The following TBL1X variants were observed in gnomAD, a reference collection of about 807,000 sequenced individuals.
The protein encoded by TBL1X is transducin beta like 1 X-linked.
A neutral mutation model predicts 50.7 loss-of-function variants in TBL1X; 10 were observed. That is an observed-to-expected ratio of 0.20 (90% CI 0.12 to 0.33). The LOEUF is 0.33. TBL1X is among the 10% of genes least tolerant of loss of function. TBL1X has a pLI of 1.00. For synonymous variants in TBL1X, 190 were observed against 214.7 expected, an observed-to-expected ratio of 0.88 and a Z score of 1.01; for missense variants, 340 against 504.4, an observed-to-expected ratio of 0.67 and a Z score of 3.12.
At chrX:9,466,622 C>T (rs1197124585) in intron 1 of TBL1X, among the ~76,000 whole-genome samples, 1 of 112,432 alleles carries the variant, frequency 8.9e-6, no homozygotes, top group Non-Finnish European at 1.9e-5. Flanking sequence ...ATCGCCCAGT[C>T]CCTGGTTTAA....
At chrX:9,699,627 G>A (rs2083156904) in intron 12 of TBL1X, among the ~76,000 whole-genome samples, 1 of 111,676 alleles carries the variant, frequency 9.0e-6, no homozygotes, top group South Asian at 3.8e-4. Flanking sequence ...AGGGCTCCAG[G>A]CAGGGGACAT....
At chrX:9,683,546 C>T (rs1054462421) in intron 5 of TBL1X, among the ~76,000 whole-genome samples, 3 of 111,441 alleles carry the variant, frequency 2.7e-5, no homozygotes, top group African/African-American at 9.8e-5. Context: ...ACACTTGCCC[C>T]GCGTGCCAGG....
intron 2 of TBL1X, among the ~76,000 whole-genome samples, chrX:9,518,875 C>T (rs1484129787): frequency 2.3e-4 from 25 of 110,758 alleles, no homozygotes; most frequent in African/African-American, 6.9e-4. Flanking sequence ...TCCATGCTGA[C>T]GTGTAAGGCA....
chrX:9,595,568 C>G (rs919525038), intron 2 of TBL1X, among the ~76,000 whole-genome samples: 1 of 111,832 alleles, frequency 8.9e-6, no homozygotes, highest in African/African-American at 3.3e-5. Context: ...TGGTCAGGGC[C>G]CTTCTTGTCG....
chrX:9,518,074 G>A (rs1270649476), intron 2 of TBL1X, among the ~76,000 whole-genome samples: 1 of 102,502 alleles, frequency 9.8e-6, no homozygotes, highest in Non-Finnish European at 2.0e-5. Flanking sequence ...ACTCCAGCCT[G>A]GGCAACAGAG....
chrX:9,607,400 T>G (rs1473158108), intron 2 of TBL1X, among the ~76,000 whole-genome samples: 2 of 111,846 alleles, frequency 1.8e-5, no homozygotes, highest in Non-Finnish European at 3.8e-5. Flanking sequence ...GATGAGGCAG[T>G]GCTGGTGCTG....
intron 2 of TBL1X, among the ~76,000 whole-genome samples, chrX:9,545,000 CTTTTTTTTTTTT>C (rs34726098): frequency 6.6e-4 from 47 of 71,754 alleles, no homozygotes; most frequent in Admixed American, 1.2e-3. Flanking sequence ...TTTCCCCCCA[CTTTTTTTTTTTT>C]TTTTTTTTTT....
chrX:9,533,615 TC>T (rs2082173052), intron 2 of TBL1X, among the ~76,000 whole-genome samples: 2 of 111,026 alleles, frequency 1.8e-5, no homozygotes, highest in African/African-American at 6.6e-5. Context: ...CAGGACAATT[TC>T]CAAGGCAAAG....
intron 2 of TBL1X, among the ~76,000 whole-genome samples, chrX:9,624,069 T>A (rs184467041): frequency 2.6e-4 from 29 of 112,555 alleles, no homozygotes; most frequent in African/African-American, 9.4e-4. Context: ...GAGATAAATC[T>A]CTGTATAGTG....
chrX:9,474,707 C>A (rs1455104643), intron 1 of TBL1X, among the ~76,000 whole-genome samples: 3 of 112,893 alleles, frequency 2.7e-5, no homozygotes, highest in Admixed American at 9.3e-5. Context: ...TCACTGAATT[C>A]TGTTTATAAA....
chrX:9,661,402 G>A (rs1792725577), intron 5 of TBL1X, among the ~76,000 whole-genome samples: 1 of 111,816 alleles, frequency 8.9e-6, no homozygotes, highest in African/African-American at 3.2e-5. Flanking sequence ...GTTCATGCCT[G>A]TAGTCCCAAC....
intron 2 of TBL1X, among the ~76,000 whole-genome samples, chrX:9,538,749 C>T (rs1382824682): frequency 8.9e-6 from 1 of 112,599 alleles, no homozygotes; most frequent in East Asian, 2.8e-4. Flanking sequence ...GTGTCCAGAG[C>T]CCCAGAAGGT....
intron 6 of TBL1X, among the ~76,000 whole-genome samples, chrX:9,684,822 G>A (rs923673413): frequency 2.7e-5 from 3 of 111,786 alleles, no homozygotes; most frequent in South Asian, 3.7e-4. Flanking sequence ...TCTGGGCTTC[G>A]GAGTGGACGT....
intron 2 of TBL1X, among the ~76,000 whole-genome samples, chrX:9,537,375 TCAA>T (rs1306549050): frequency 2.7e-5 from 3 of 110,425 alleles, no homozygotes; most frequent in Admixed American, 1.9e-4. Flanking sequence ...AGTACACTGT[TCAA>T]CAGCATTAAA....
upstream of TBL1X, among the ~76,000 whole-genome samples, chrX:9,464,428 A>C (rs933326160): frequency 4.5e-5 from 5 of 111,168 alleles, no homozygotes; most frequent in African/African-American, 6.6e-5. Context: ...GCAAAGGTCG[A>C]GGCTCCGCCG....
At chrX:9,576,415 C>T (rs771526411) in intron 2 of TBL1X, among the ~76,000 whole-genome samples, 9 of 112,343 alleles carry the variant, frequency 8.0e-5, no homozygotes, top group African/African-American at 2.6e-4. Context: ...CTGAGTGATG[C>T]GCTAACGCAT....
At position 9,717,347 on chromosome X, in the gene TBL1X, C is replaced by T. The variant is rs1477758674; in HGVS notation, c.*1101C>T. The stretch of plus-strand genomic sequence containing the variant: ...GTGTGATTCATGTTTTAAAAAGAAC[C>T]GAAGAAGCCACAGGCAGGGCCTGAG... On this transcript the variant is annotated 3_prime_UTR_variant, in exon 18 of 18. Coordinates refer to ENST00000645353, the MANE Select transcript of TBL1X (RefSeq NM_005647.4). 8.9e-6 allele frequency: 1 copy of T among 112,011 alleles called. No homozygotes were observed. Among genetic ancestry groups the T allele is most frequent in the Non-Finnish European group, 1.9e-5 (1 of 53,128 alleles). 9.2% of individuals were successfully genotyped at this position (112,011 alleles called of 1,213,427 possible). A position where few individuals can be genotyped will look rare whatever the true frequency, so the allele number is the denominator to read the frequency against.
At chrX:9,535,076 TAA>T (rs2082181141) in intron 2 of TBL1X, 1 of 111,471 alleles carries the variant, frequency 9.0e-6, no homozygotes, top group Non-Finnish European at 1.9e-5. Flanking sequence ...TCTTTTTTTT[TAA>T]AGAGGCCAGA....
intron 2 of TBL1X, among the ~76,000 whole-genome samples, chrX:9,552,731 T>A (rs1168583242): frequency 8.9e-6 from 1 of 112,382 alleles, no homozygotes; most frequent in African/African-American, 3.2e-5. Flanking sequence ...TTTCTCAAAA[T>A]GGTCCTTGGT....
Sources: gnomAD v4.1 joint callset for allele counts (sites outside exome capture counted in the v4.1 genomes callset) on GRCh38, gnomAD v4.1.1 for gene constraint, MANE v1.5 for transcripts, NCBI Gene and HGNC (gene_info 2026-07-23, HGNC 2026-07-21) for gene names.